The following CNTNAP2 variants were observed in gnomAD, a reference collection of about 807,000 sequenced individuals.
CNTNAP2 encodes the protein contactin associated protein 2.
CNTNAP2 carries 98 observed loss-of-function variants against 155.2 expected under a neutral mutation model. The ratio of observed to expected loss-of-function variants is 0.63; its 90% confidence interval spans 0.54 to 0.75. CNTNAP2 has a LOEUF of 0.75. Among genes scored for constraint, CNTNAP2 ranks in the 30% least tolerant of loss-of-function variants. CNTNAP2 has a pLI of 0.00. For synonymous variants in CNTNAP2, 651 were observed against 631.2 expected (o/e 1.03, Z -0.47); for missense variants, 1,727 against 1,688.1 (o/e 1.02, Z -0.40).
chr7:146,901,617 A>G (rs1045358742), intron 3 of CNTNAP2, among the ~76,000 whole-genome samples: 1 of 152,198 alleles, frequency 6.6e-6, no homozygotes, highest in African/African-American at 2.4e-5. Context: ...TGGAATTTGC[A>G]GTAGGAAAAA....
intron 21 of CNTNAP2, among the ~76,000 whole-genome samples, chr7:148,369,487 C>A (rs1000930005): frequency 2.0e-5 from 3 of 151,772 alleles, no homozygotes; most frequent in Non-Finnish European, 4.4e-5. Context: ...TCAAGTGATC[C>A]AAAGTGCTGG....
chr7:146,446,373 C>A (rs1315063089), intron 1 of CNTNAP2, among the ~76,000 whole-genome samples: 1 of 150,440 alleles, frequency 6.6e-6, no homozygotes, highest in Non-Finnish European at 1.5e-5. Context: ...GAGAAATCTT[C>A]TACACATTCT....
At chr7:146,381,020 G>T (rs868013032) in intron 1 of CNTNAP2, among the ~76,000 whole-genome samples, 1 of 151,086 alleles carries the variant, frequency 6.6e-6, no homozygotes, top group South Asian at 2.1e-4. Flanking sequence ...GGATGGTCTC[G>T]ATCTCCTGAC....
intron 15 of CNTNAP2, among the ~76,000 whole-genome samples, chr7:148,045,127 A>G (rs1462837418): frequency 1.3e-5 from 2 of 152,184 alleles, no homozygotes; most frequent in African/African-American, 4.8e-5. Flanking sequence ...AAATAACAGA[A>G]GCAGCGTTTG....
intron 1 of CNTNAP2, among the ~76,000 whole-genome samples, chr7:146,248,995 C>A (rs1191160115): frequency 6.6e-6 from 1 of 152,098 alleles, no homozygotes; most frequent in African/African-American, 2.4e-5. Context: ...GAGGGTTGTT[C>A]CCTGGCGGTC....
intron 13 of CNTNAP2, among the ~76,000 whole-genome samples, chr7:147,842,024 CATTA>C (rs1798742088): frequency 6.6e-6 from 1 of 152,066 alleles, no homozygotes; most frequent in Non-Finnish European, 1.5e-5. Flanking sequence ...TCAAAGTTGC[CATTA>C]ATTGTTTATT....
intron 3 of CNTNAP2, among the ~76,000 whole-genome samples, chr7:146,944,157 A>G (rs1241439250): frequency 6.6e-6 from 1 of 150,398 alleles, no homozygotes; most frequent in Non-Finnish European, 1.5e-5. Context: ...TATATTTTAT[A>G]TGTTCCTGAC....
intron 21 of CNTNAP2, among the ~76,000 whole-genome samples, chr7:148,279,886 C>T (rs775589102): frequency 2.0e-5 from 3 of 152,098 alleles, no homozygotes; most frequent in Non-Finnish European, 4.4e-5. Context: ...AGGTTACATA[C>T]CCAATGATCC....
intron 1 of CNTNAP2, among the ~76,000 whole-genome samples, chr7:146,475,094 A>T (rs1453247074): frequency 6.6e-6 from 1 of 152,222 alleles, no homozygotes; most frequent in Non-Finnish European, 1.5e-5. Flanking sequence ...GAAGATACAT[A>T]TATAATTTAT....
chr7:147,648,805 T>C (rs1180887075), intron 13 of CNTNAP2, among the ~76,000 whole-genome samples: 1 of 152,118 alleles, frequency 6.6e-6, no homozygotes, highest in Non-Finnish European at 1.5e-5. Flanking sequence ...AGCCAAACCA[T>C]ATCAGCCATC....
At chr7:147,778,046 T>TGATGA (rs199948540) in intron 13 of CNTNAP2, among the ~76,000 whole-genome samples, 2,014 of 152,308 alleles carry the variant, frequency 0.013, 99 homozygotes, top group Admixed American at 0.089. Context: ...TTTTACCATT[T>TGATGA]GATGAGATAT....
At chr7:147,968,427 C>A (rs184897163) in intron 14 of CNTNAP2, among the ~76,000 whole-genome samples, 1 of 152,270 alleles carries the variant, frequency 6.6e-6, no homozygotes, top group East Asian at 1.9e-4. Flanking sequence ...TGCTTCCTAG[C>A]AACACTAGCT....
intron 2 of CNTNAP2, among the ~76,000 whole-genome samples, chr7:146,781,867 C>G (rs1205587671): frequency 6.6e-6 from 1 of 152,084 alleles, no homozygotes; most frequent in Non-Finnish European, 1.5e-5. Context: ...AAACTGGGAA[C>G]GGAACCACAG....
intron 4 of CNTNAP2, among the ~76,000 whole-genome samples, chr7:147,058,978 A>G (rs1799613374): frequency 6.6e-6 from 1 of 152,092 alleles, no homozygotes; most frequent in African/African-American, 2.4e-5. Flanking sequence ...ACTTTTAATA[A>G]CACCTTCATT....
Position 148,198,191 on chromosome 7 carries a change from C to A in CNTNAP2, c.3011-19097C>A, listed in dbSNP as rs57122959. Reference sequence around the variant, plus strand: ...GGCTGCCTGCTACCCAGAGCCACCACCCCCCATGGCAGCAGATCACAGCCC... The same window carrying A: ...GGCTGCCTGCTACCCAGAGCCACCAACCCCCATGGCAGCAGATCACAGCCC... On this transcript the variant is annotated intron_variant, in intron 18 of 23. Transcript: ENST00000361727. Among the ~76,000 whole-genome samples the A allele has an allele frequency of 2.6e-5, 4 of 152,292 alleles. No individual in the cohort carries two copies. In the South Asian group the frequency reaches 6.2e-4, roughly 24 times the overall value.
chr7:147,626,250 C>T (rs1381293809), intron 12 of CNTNAP2, among the ~76,000 whole-genome samples: 1 of 152,006 alleles, frequency 6.6e-6, no homozygotes, highest in African/African-American at 2.4e-5. Flanking sequence ...GGAGCAAGGG[C>T]CATGCTTGCT....
At chr7:146,557,396 C>G (rs1798213052) in intron 1 of CNTNAP2, among the ~76,000 whole-genome samples, 1 of 152,052 alleles carries the variant, frequency 6.6e-6, no homozygotes, top group Non-Finnish European at 1.5e-5. Flanking sequence ...TGGAAGGAAA[C>G]ATAGCAGGTG....
intron 1 of CNTNAP2, among the ~76,000 whole-genome samples, chr7:146,757,085 G>C (rs1802007448): frequency 6.6e-6 from 1 of 152,040 alleles, no homozygotes; most frequent in Non-Finnish European, 1.5e-5. Context: ...GATTTAGACA[G>C]CTTTGAATAT....
intron 1 of CNTNAP2, among the ~76,000 whole-genome samples, chr7:146,655,446 AT>A (rs1294902249): frequency 6.6e-6 from 1 of 150,714 alleles, no homozygotes; most frequent in Non-Finnish European, 1.5e-5. Context: ...AAAGAAAAAT[AT>A]ATCTTTATTT....
Sources: gnomAD v4.1 joint callset for allele counts (sites outside exome capture counted in the v4.1 genomes callset) on GRCh38, gnomAD v4.1.1 for gene constraint, MANE v1.5 for transcripts, NCBI Gene and HGNC (gene_info 2026-07-23, HGNC 2026-07-21) for gene names.